FHOD3: variants seen among roughly 807,000 people sequenced by gnomAD.
The protein encoded by FHOD3 is formin homology 2 domain containing 3.
In FHOD3, 90 loss-of-function variants were observed where a neutral mutation model predicts 173.0. That is an observed-to-expected ratio of 0.52 (90% confidence interval 0.44 to 0.62). The LOEUF (loss-of-function observed/expected upper bound fraction) is 0.62. FHOD3 is among the 20% of genes least tolerant of loss of function. The probability of loss-of-function intolerance (pLI) is 0.00; values close to 1 mark genes in which losing one functional copy is unlikely to be tolerated. For missense variants in FHOD3, 1,945 were observed against 2,034.7 expected (o/e 0.96, Z 0.85); for synonymous variants, 828 against 823.0 (o/e 1.01, Z -0.10).
At chr18:36,403,674 T>C (rs1419643084) in intron 3 of FHOD3, among the ~76,000 whole-genome samples, 2 of 152,178 alleles carry the variant, frequency 1.3e-5, no homozygotes, top group African/African-American at 4.8e-5. Flanking sequence ...TAATTACGGA[T>C]TCCATTAGGA....
intron 3 of FHOD3, among the ~76,000 whole-genome samples, chr18:36,445,674 C>G (rs1380904270): frequency 1.3e-5 from 2 of 152,078 alleles, no homozygotes; most frequent in African/African-American, 4.8e-5. Context: ...ATGAGCTTTG[C>G]TTTACCTCAA....
intron 3 of FHOD3, among the ~76,000 whole-genome samples, chr18:36,381,377 C>T (rs1308691150): frequency 1.3e-5 from 2 of 152,240 alleles, no homozygotes; most frequent in African/African-American, 2.4e-5. Context: ...GGGGCTTCCA[C>T]ATCCTTTCCA....
At chr18:36,355,154 C>A (rs1381968196) in intron 1 of FHOD3, among the ~76,000 whole-genome samples, 1 of 152,136 alleles carries the variant, frequency 6.6e-6, no homozygotes, top group Non-Finnish European at 1.5e-5. Context: ...TTTTCCCCAC[C>A]AAATTTGCCT....
intron 2 of FHOD3, among the ~76,000 whole-genome samples, chr18:36,362,067 G>A (rs552283434): frequency 1.3e-5 from 2 of 152,350 alleles, no homozygotes; most frequent in Non-Finnish European, 2.9e-5. Flanking sequence ...GATGACATCA[G>A]GTAGGTATGT....
At chr18:36,386,735 C>G (rs1009952649) in intron 3 of FHOD3, among the ~76,000 whole-genome samples, 1 of 152,194 alleles carries the variant, frequency 6.6e-6, no homozygotes, top group Non-Finnish European at 1.5e-5. Context: ...GTGGCCCTGC[C>G]TCCCCTCGGC....
intron 3 of FHOD3, among the ~76,000 whole-genome samples, chr18:36,462,903 G>A (rs1015408699): frequency 3.9e-5 from 6 of 152,186 alleles, no homozygotes; most frequent in Admixed American, 3.9e-4. Context: ...TGGGATTATA[G>A]ATATGAGATG....
chr18:36,495,701 T>C (rs2054708997), intron 3 of FHOD3, among the ~76,000 whole-genome samples: 1 of 152,188 alleles, frequency 6.6e-6, no homozygotes, highest in Admixed American at 6.5e-5. Flanking sequence ...GACCTGCAAC[T>C]AGGCTGTGCC....
intron 8 of FHOD3, among the ~76,000 whole-genome samples, chr18:36,609,607 CTTTT>C (rs1181851197): frequency 2.5e-5 from 3 of 118,180 alleles, no homozygotes; most frequent in African/African-American, 3.2e-5. Context: ...CTTTTTAGTT[CTTTT>C]TTTTTTTTTT....
At chr18:36,725,521 C>T (rs558926416) in intron 19 of FHOD3, among the ~76,000 whole-genome samples, 1 of 152,260 alleles carries the variant, frequency 6.6e-6, no homozygotes, top group Non-Finnish European at 1.5e-5. Flanking sequence ...GTGCAGGGTT[C>T]AGCATCATGG....
At chr18:36,570,955 G>A (rs1439431970) in intron 5 of FHOD3, among the ~76,000 whole-genome samples, 1 of 151,986 alleles carries the variant, frequency 6.6e-6, no homozygotes, top group Non-Finnish European at 1.5e-5. Context: ...CTAATATTAG[G>A]AACAAGGCAA....
intron 10 of FHOD3, among the ~76,000 whole-genome samples, chr18:36,638,781 T>A (rs1424138126): frequency 6.6e-6 from 1 of 152,126 alleles, no homozygotes; most frequent in Non-Finnish European, 1.5e-5. Flanking sequence ...GCAGGAAGCG[T>A]TGAGGCATGC....
chr18:36,578,561 C>A (rs2046277659), intron 6 of FHOD3, among the ~76,000 whole-genome samples: 1 of 152,182 alleles, frequency 6.6e-6, no homozygotes, highest in Non-Finnish European at 1.5e-5. Context: ...CTAGAGTGAG[C>A]CTTTCCAGGC....
At chr18:36,334,804 G>C (rs918576749) in intron 1 of FHOD3, among the ~76,000 whole-genome samples, 10 of 152,304 alleles carry the variant, frequency 6.6e-5, no homozygotes, top group African/African-American at 2.4e-4. Context: ...AGGTTTTAGT[G>C]GAATAAAAGT....
rs182211921 is a variant in FHOD3 at position 36,697,844 on chromosome 18, G to A, written c.2236+4421G>A. Among the ~76,000 whole-genome samples, 4 of 152,262 alleles carry A rather than the reference G, an allele frequency of 2.6e-5. No individual in the cohort carries two copies. In the East Asian group the frequency reaches 7.7e-4, roughly 29 times the overall value. On this transcript the variant is annotated intron_variant, in intron 17 of 28. Coordinates refer to ENST00000590592, the MANE Select transcript of FHOD3 (RefSeq NM_001281740.3). ...GTTTGTCTAAATGATTTTTCCTGTG[G>A]GCATCCATTTGTCCTTTTGGCTGTC...
chr18:36,448,172 A>G (rs1281510519), intron 3 of FHOD3, among the ~76,000 whole-genome samples: 2 of 152,208 alleles, frequency 1.3e-5, no homozygotes, highest in African/African-American at 2.4e-5. Flanking sequence ...AGGAATTGGT[A>G]GTATTTTGAA....
At chr18:36,681,181 C>A (rs1388675406) in intron 14 of FHOD3, among the ~76,000 whole-genome samples, 1 of 152,184 alleles carries the variant, frequency 6.6e-6, no homozygotes, top group Non-Finnish European at 1.5e-5. Context: ...GGGCTGCTTA[C>A]ATGTCAAGCA....
intron 5 of FHOD3, among the ~76,000 whole-genome samples, chr18:36,561,442 A>G (rs2058078204): frequency 6.6e-6 from 1 of 152,198 alleles, no homozygotes; most frequent in South Asian, 2.1e-4. Context: ...CAGGACTGTT[A>G]GAGCACACGT....
intron 3 of FHOD3, among the ~76,000 whole-genome samples, chr18:36,489,165 C>T (rs1260975465): frequency 6.6e-6 from 1 of 152,176 alleles, no homozygotes. Flanking sequence ...GGACCTCACA[C>T]CCAACTGGAA....
chr18:36,540,207 T>G (rs1022916234), intron 5 of FHOD3, among the ~76,000 whole-genome samples: 2 of 152,222 alleles, frequency 1.3e-5, no homozygotes, highest in Non-Finnish European at 2.9e-5. Context: ...ATGGTGGTAA[T>G]GTCACGTGTC....
Sources: allele counts gnomAD v4.1 joint callset (sites outside exome capture counted in the v4.1 genomes callset), GRCh38; gene constraint gnomAD v4.1.1; transcripts MANE v1.5; gene names NCBI Gene and HGNC (gene_info 2026-07-23, HGNC 2026-07-21).